The following RAB3GAP1 variants were observed in gnomAD, a reference collection of about 807,000 sequenced individuals.
The protein encoded by RAB3GAP1 is RAB3 GTPase activating protein catalytic subunit 1.
Under a neutral mutation model 130.7 loss-of-function variants are expected in RAB3GAP1, and 86 were observed. The observed-to-expected ratio is 0.66, with a 90% CI of 0.55 to 0.79. RAB3GAP1 has a LOEUF of 0.79. Among genes scored for constraint, RAB3GAP1 ranks in the 30% least tolerant of loss-of-function variants. The pLI, the probability that RAB3GAP1 is intolerant of heterozygous loss-of-function variation, is 0.00. For missense variants in RAB3GAP1, 1,029 were observed against 1,169.4 expected (o/e 0.88, Z 1.75); for synonymous variants, 367 against 401.7 (o/e 0.91, Z 1.03).
At chr2:135,117,606 G>GCTTCTT (rs1380774068) in intron 7 of RAB3GAP1, among the ~76,000 whole-genome samples, 2 of 17,834 alleles carry the variant, frequency 1.1e-4, no homozygotes, top group African/African-American at 4.2e-4. Flanking sequence ...TGCTTCTTCT[G>GCTTCTT]CTTCTTCTGC....
chr2:135,095,189 C>T (rs1690257426), intron 5 of RAB3GAP1, among the ~76,000 whole-genome samples: 1 of 152,202 alleles, frequency 6.6e-6, no homozygotes, highest in African/African-American at 2.4e-5. Context: ...GCTGGGACTA[C>T]ATGTGTCCAC....
rs369515412 is a variant in RAB3GAP1 at position 135,148,913 on chromosome 2, G to A, written c.1924-1456G>A. On this transcript the variant is annotated intron_variant, in intron 17 of 23. Coordinates refer to ENST00000264158, the MANE Select transcript of RAB3GAP1 (RefSeq NM_012233.3). ...GCCACTTGGTGATCCTGGGCAAGGC[G>A]CTTTATCTCTGCACCTCATTTTCAT... Among the ~76,000 whole-genome samples the A allele has an allele frequency of 9.9e-5, 15 of 152,040 alleles. No individual in the cohort carries two copies. The South Asian group carries it at 2.9e-3, about 29-fold the overall frequency.
At chr2:135,168,403 T>C (rs1026203509) in intron 23 of RAB3GAP1, 142 bp from the exon 24 acceptor site, 28 of 810,538 alleles carry the variant, frequency 3.5e-5, no homozygotes, top group Non-Finnish European at 5.6e-5. Context: ...GGTTTTTGAG[T>C]AATCTTAACA....
rs1165949880 is a variant in RAB3GAP1 at position 135,125,583 on chromosome 2, A to G, written c.831-598A>G. On this transcript the variant is annotated intron_variant, in intron 9 of 23. Transcript: ENST00000264158. ...ATGTGAATGTGATCTGTCTCTCTCA[A>G]TATATCTCATTGTACTATGCACACT... Among the ~76,000 whole-genome samples the G allele has an allele frequency of 2.0e-5, 3 of 152,212 alleles. No individual in the cohort carries two copies. In the East Asian group the frequency reaches 5.8e-4, roughly 29 times the overall value.
chr2:135,145,372 ACCAC>A (rs1490504391), intron 17 of RAB3GAP1, among the ~76,000 whole-genome samples: 2 of 149,170 alleles, frequency 1.3e-5, no homozygotes, highest in African/African-American at 5.0e-5. Context: ...CTCTCTTCAT[ACCAC>A]CCCTCACCAA....
intron 19 of RAB3GAP1, among the ~76,000 whole-genome samples, chr2:135,154,460 C>A (rs960788359): frequency 3.3e-5 from 5 of 150,496 alleles, no homozygotes; most frequent in African/African-American, 1.3e-4. Context: ...TAAATAAATC[C>A]ATGCATTCAG....
At chr2:135,117,560 T>C (rs1691031532) in intron 7 of RAB3GAP1, among the ~76,000 whole-genome samples, 1 of 151,186 alleles carries the variant, frequency 6.6e-6, no homozygotes, top group Admixed American at 6.6e-5. Flanking sequence ...CTTCTTCTGC[T>C]TCTTCTTCTG....
Position 135,054,291 on chromosome 2 carries a change from TAGAA to T in RAB3GAP1, c.74+1811_74+1814del, listed in dbSNP as rs112837592. Reference sequence around the variant, plus strand: ...ATGCTGCTGGTCAGGAGACCACACTTAGAAAGAACCACTGCTTAAGACAATAGTG... The same window carrying T: ...ATGCTGCTGGTCAGGAGACCACACTTAGAACCACTGCTTAAGACAATAGTG... On this transcript the variant is annotated intron_variant, in intron 2 of 23. Transcript: ENST00000264158. Among the ~76,000 whole-genome samples the T allele has an allele frequency of 5.6e-3, 854 of 152,294 alleles. 7 individuals are homozygous for T. Among genetic ancestry groups the T allele is most frequent in the African/African-American group, 0.02 (811 of 41,550 alleles).
rs535572110 is a variant in RAB3GAP1, at chr2:135,097,458, T to C, written c.362+3765T>C. On this transcript the variant is annotated intron_variant, in intron 5 of 23. Transcript: ENST00000264158. ...CTGGTCTTAAACTCCTGGCCTCAAG[T>C]GATCCTCCCACCTCAGCCTCCCAAA... is the stretch of plus-strand genomic sequence containing the variant. 4.4e-3 allele frequency among the ~76,000 whole-genome samples: 664 copies of C among 152,238 alleles called. 3 individuals are homozygous for C. Among genetic ancestry groups the C allele is most frequent in the Middle Eastern group, 0.01 (3 of 294 alleles).
At chr2:135,148,912 C>T (rs189050556) in intron 17 of RAB3GAP1, among the ~76,000 whole-genome samples, 8 of 152,160 alleles carry the variant, frequency 5.3e-5, no homozygotes, top group Non-Finnish European at 8.8e-5. Context: ...CTGGGCAAGG[C>T]GCTTTATCTC....
At position 135,168,708 on chromosome 2, in the gene RAB3GAP1, G is replaced by A. The variant is rs778979339; in HGVS notation, c.2873G>A (p.Arg958Gln). The change falls in exon 24 of 24, where the codon CGG becomes CAG. Residue 958 changes from arginine to glutamine, a missense_variant. Coordinates refer to ENST00000264158, the MANE Select transcript of RAB3GAP1 (RefSeq NM_012233.3). Reference sequence around the variant, plus strand: ...CCCTACTCCAAAGCTCTGCCTCAGCGGATGTACAGTGTTCTCACCAAAGAG... The same window carrying A: ...CCCTACTCCAAAGCTCTGCCTCAGCAGATGTACAGTGTTCTCACCAAAGAG... ...PAPYSKALPQ[R>Q]MYSVLTKEDF... 3.7e-6 allele frequency: 6 copies of A among 1,614,172 alleles called. No homozygotes were observed. Among genetic ancestry groups the A allele is most frequent in the Non-Finnish European group, 3.4e-6 (4 of 1,180,014 alleles).
At chr2:135,149,956 C>T (rs777555177) in intron 17 of RAB3GAP1, among the ~76,000 whole-genome samples, 9 of 152,084 alleles carry the variant, frequency 5.9e-5, no homozygotes, top group Non-Finnish European at 1.3e-4. Context: ...CGTGCCTGGC[C>T]CTGTTAGAGC....
chr2:135,164,356 A>G (rs985590239), intron 22 of RAB3GAP1, among the ~76,000 whole-genome samples: 24 of 152,222 alleles, frequency 1.6e-4, no homozygotes, highest in African/African-American at 4.6e-4. Context: ...ACACTTTGAC[A>G]GAGATAGGCT....
intron 13 of RAB3GAP1, among the ~76,000 whole-genome samples, chr2:135,131,791 T>C (rs897049782): frequency 6.6e-6 from 1 of 152,232 alleles, no homozygotes; most frequent in Non-Finnish European, 1.5e-5. Flanking sequence ...AAGGATCTTC[T>C]GTGACACTGC....
intron 8 of RAB3GAP1, among the ~76,000 whole-genome samples, chr2:135,122,359 AT>A (rs1176061373): frequency 6.8e-6 from 1 of 148,088 alleles, no homozygotes; most frequent in Admixed American, 6.6e-5. Context: ...AGAAGTTTCC[AT>A]TCTTATCTTC....
intron 2 of RAB3GAP1, among the ~76,000 whole-genome samples, chr2:135,053,614 C>G (rs1688937352): frequency 6.6e-6 from 1 of 152,074 alleles, no homozygotes; most frequent in South Asian, 2.1e-4. Flanking sequence ...ATAAAAGGTC[C>G]TTGTTGGAAT....
rs59720178 is a variant in RAB3GAP1, at chr2:135,052,779, C to T, written c.74+294C>T. Among the ~76,000 whole-genome samples the T allele has an allele frequency of 0.045, 6,902 of 152,198 alleles. 534 individuals carry two copies. Among genetic ancestry groups the T allele is most frequent in the African/African-American group, 0.16 (6,581 of 41,522 alleles). On this transcript the variant is annotated intron_variant, in intron 2 of 23. Transcript: ENST00000264158. ...TTAGACTTTGGTTTTCTGGTTGTTA[C>T]CCACTCGCAAGAAAAATTTCCGAGG...
At chr2:135,128,840 G>A (rs900382077) in intron 11 of RAB3GAP1, among the ~76,000 whole-genome samples, 4 of 152,108 alleles carry the variant, frequency 2.6e-5, no homozygotes, top group African/African-American at 9.7e-5. Flanking sequence ...GATTCAAATC[G>A]CTTTACCTCT....
At chr2:135,110,307 C>T (rs1363766425) in intron 5 of RAB3GAP1, among the ~76,000 whole-genome samples, 1 of 151,892 alleles carries the variant, frequency 6.6e-6, no homozygotes, top group Non-Finnish European at 1.5e-5. Flanking sequence ...CTAATTTTTA[C>T]AATTTTTTGT....
Sources: gnomAD v4.1 joint callset for allele counts (sites outside exome capture counted in the v4.1 genomes callset) on GRCh38, gnomAD v4.1.1 for gene constraint, MANE v1.5 for transcripts, NCBI Gene and HGNC (gene_info 2026-07-23, HGNC 2026-07-21) for gene names.